Variants in PDE1C observed in about 807,000 individuals in gnomAD.
PDE1C encodes the protein phosphodiesterase 1C.
Under a neutral mutation model 93.1 loss-of-function variants are expected in PDE1C, and 62 were observed. The ratio of observed to expected loss-of-function variants is 0.67; its 90% CI spans 0.54 to 0.82. PDE1C has a LOEUF of 0.82. Among genes scored for constraint, PDE1C ranks in the 40% least tolerant of loss-of-function variants. The probability of loss-of-function intolerance (pLI) is 0.00; values close to 1 mark genes in which losing one functional copy is unlikely to be tolerated. For synonymous variants in PDE1C, 325 were observed against 310.1 expected (o/e 1.05, Z -0.50); for missense variants, 742 against 884.6 (o/e 0.84, Z 2.04).
chr7:31,719,246 A>C, the PDE1C span, among the ~76,000 whole-genome samples: 2 of 152,136 alleles, frequency 1.3e-5, no homozygotes, highest in Non-Finnish European at 2.9e-5. Flanking sequence ...AGCCATCCCT[A>C]GTACTCGAGA....
In PDE1C at chr7:32,408,926, A is replaced by C. The variant is rs181338477; in HGVS notation, c.310+18896T>G. Among the ~76,000 whole-genome samples the C allele has an allele frequency of 1.6e-3, 249 of 152,324 alleles. 1 individual carries two copies. The highest frequency in any genetic ancestry group is 5.7e-3 in the African/African-American group (236 of 41,584). On this transcript the variant is annotated intron_variant, in intron 1 of 1. Coordinates refer to the PDE1C transcript ENST00000672256. ...CCTACAGATTCCTCAGAAGACCAAA[A>C]ATTTAAGTGGTCCAGTTTCTGGAGA...
chr7:32,087,089 T>A (rs1797137615), intron 3 of PDE1C, among the ~76,000 whole-genome samples: 1 of 152,012 alleles, frequency 6.6e-6, no homozygotes, highest in Non-Finnish European at 1.5e-5. Context: ...GGGAGAAAAT[T>A]TTCCCAACCT....
intron 2 of PDE1C, among the ~76,000 whole-genome samples, chr7:32,198,512 T>C (rs1274184533): frequency 6.6e-6 from 1 of 152,196 alleles, no homozygotes; most frequent in African/African-American, 2.4e-5. Flanking sequence ...ATATAGCAGC[T>C]CTGTTTCACA....
At chr7:31,868,773 A>T (rs1795593782) in intron 6 of PDE1C, among the ~76,000 whole-genome samples, 1 of 152,176 alleles carries the variant, frequency 6.6e-6, no homozygotes, top group Non-Finnish European at 1.5e-5. Context: ...AAGACAAAAA[A>T]TTCTAAAAAC....
rs922503666 is a variant in PDE1C at position 31,996,139 on chromosome 7, TGA to T, written c.128+55413_128+55414del. On this transcript the variant is annotated intron_variant, in intron 2 of 17. Coordinates refer to ENST00000396191, the MANE Select transcript of PDE1C (RefSeq NM_001191057.4). ...CATTCACTGGGTGTAAAAACCAAGT[TGA>T]GAGAGAGAGAAGCTGGCAACATAGG... is the stretch of plus-strand genomic sequence containing the variant. Among the ~76,000 whole-genome samples the T allele has an allele frequency of 3.4e-5, 5 of 147,486 alleles. 1 individual carries two copies. Among genetic ancestry groups the T allele is most frequent in the Admixed American group, 3.4e-4 (5 of 14,754 alleles).
chr7:31,946,343 G>T (rs2129007867), intron 2 of PDE1C, among the ~76,000 whole-genome samples: 1 of 152,208 alleles, frequency 6.6e-6, no homozygotes, highest in Admixed American at 6.5e-5. Flanking sequence ...GCCAAAGGGT[G>T]GAAGGCTGCC....
chr7:32,268,706 G>GA (rs568984260), intron 1 of PDE1C, among the ~76,000 whole-genome samples: 2 of 152,024 alleles, frequency 1.3e-5, no homozygotes, highest in African/African-American at 4.8e-5. Flanking sequence ...CACTGGAAGG[G>GA]AAAAAATGAA....
At chr7:31,657,093 GATAT>G in the PDE1C span, among the ~76,000 whole-genome samples, 1 of 3,594 alleles carries the variant, frequency 2.8e-4, no homozygotes, top group African/African-American at 9.9e-4. Context: ...TTTTATATAT[GATAT>G]ATATAAAATA....
chr7:31,673,848 T>C, the PDE1C span, among the ~76,000 whole-genome samples: 1 of 152,196 alleles, frequency 6.6e-6, no homozygotes, highest in South Asian at 2.1e-4. Flanking sequence ...GCGTGAATTT[T>C]AATTAAACTC....
intron 2 of PDE1C, among the ~76,000 whole-genome samples, chr7:31,973,214 T>C (rs1450360694): frequency 1.3e-5 from 2 of 151,998 alleles, no homozygotes; most frequent in Non-Finnish European, 2.9e-5. Flanking sequence ...GAGACACCTG[T>C]GGGGCAGAAA....
At chr7:32,261,275 C>T (rs906900303) in intron 1 of PDE1C, among the ~76,000 whole-genome samples, 1 of 152,088 alleles carries the variant, frequency 6.6e-6, no homozygotes, top group Admixed American at 6.5e-5. Context: ...TCAGCTGACA[C>T]CACCCAGACC....
chr7:31,932,539 G>A (rs575969017), intron 2 of PDE1C, among the ~76,000 whole-genome samples: 12 of 152,286 alleles, frequency 7.9e-5, no homozygotes, highest in African/African-American at 2.9e-4. Context: ...CAGTTAGAAT[G>A]GTGATCATTA....
chr7:31,769,016 G>C (rs1452367027), intron 17 of PDE1C, among the ~76,000 whole-genome samples: 1 of 152,004 alleles, frequency 6.6e-6, no homozygotes, highest in Non-Finnish European at 1.5e-5. Flanking sequence ...GGCTGGTCTT[G>C]AACTCCTGAC....
At chr7:31,662,332 A>G in the PDE1C span, among the ~76,000 whole-genome samples, 1 of 152,142 alleles carries the variant, frequency 6.6e-6, no homozygotes, top group South Asian at 2.1e-4. Flanking sequence ...AATGAAGCAA[A>G]AATTTGGCGG....
chr7:31,692,578 T>C, the PDE1C span: 1 of 1,513,972 alleles, frequency 6.6e-7, no homozygotes, highest in Admixed American at 1.7e-5. Context: ...AAGAGGCGTC[T>C]CAGCCATTTG....
intron 14 of PDE1C, among the ~76,000 whole-genome samples, chr7:31,822,435 T>G (rs1399067325): frequency 2.6e-5 from 4 of 152,144 alleles, no homozygotes; most frequent in Non-Finnish European, 5.9e-5. Context: ...AATGCACATA[T>G]GAACAAAGGA....
In PDE1C at chr7:32,359,147, A is replaced by T. The variant is rs1784085956; in HGVS notation, c.310+68675T>A. ...CCTTCAGCAAAAATCCAGTTAAGTC[A>T]GTTTAGCAAGAATTTCTCTACCCTT... On this transcript the variant is annotated intron_variant, in intron 1 of 1. Coordinates refer to the PDE1C transcript ENST00000672256. Among the ~76,000 whole-genome samples the T allele has an allele frequency of 2.0e-5, 3 of 152,258 alleles. No individual in the cohort carries two copies. The South Asian group carries it at 6.2e-4, about 32-fold the overall frequency.
intron 2 of PDE1C, among the ~76,000 whole-genome samples, chr7:31,942,923 T>A (rs560279585): frequency 6.6e-6 from 1 of 152,290 alleles, no homozygotes; most frequent in Non-Finnish European, 1.5e-5. Flanking sequence ...TTTTTAAAAA[T>A]AGTACCACAT....
chr7:31,810,762 A>G (rs1787444396), intron 15 of PDE1C, among the ~76,000 whole-genome samples: 1 of 152,030 alleles, frequency 6.6e-6, no homozygotes, highest in South Asian at 2.1e-4. Flanking sequence ...GCCCTCAACT[A>G]TAGTATTTGC....
Sources: gnomAD v4.1 joint callset for allele counts (sites outside exome capture counted in the v4.1 genomes callset) on GRCh38, gnomAD v4.1.1 for gene constraint, MANE v1.5 for transcripts, NCBI Gene and HGNC (gene_info 2026-07-23, HGNC 2026-07-21) for gene names.